ELP2: variants seen among roughly 807,000 people sequenced by gnomAD.
The protein encoded by ELP2 is elongator acetyltransferase complex subunit 2.
A neutral mutation model predicts 119.2 loss-of-function variants in ELP2; 90 were observed. The observed-to-expected ratio is 0.75, with a 90% CI of 0.64 to 0.90. ELP2 has a LOEUF of 0.90. Among genes scored for constraint, ELP2 ranks in the 40% least tolerant of loss-of-function variants. The probability of loss-of-function intolerance (pLI) is 0.00; values close to 1 mark genes in which losing one functional copy is unlikely to be tolerated. For missense variants in ELP2, 921 were observed against 967.8 expected (o/e 0.95, Z 0.64); for synonymous variants, 339 against 331.0 (o/e 1.02, Z -0.26).
chr18:36,137,292 G>T (rs1623446), intron 3 of ELP2: 146,239 of 152,262 alleles, frequency 0.96, 70,512 homozygotes, highest in East Asian at 1. Context: ...TACTCCTACC[G>T]CAGCCTCCCA....
chr18:36,140,562 G>T (rs929309495), intron 5 of ELP2, among the ~76,000 whole-genome samples: 2 of 152,010 alleles, frequency 1.3e-5, no homozygotes, highest in African/African-American at 4.8e-5. Context: ...GGCCAGGCTG[G>T]TCTCAAATTC....
chr18:36,138,408 T>C lies in ELP2; in HGVS notation c.427T>C (p.Ser143Pro). 2 of 1,614,042 alleles carry C rather than the reference T, an allele frequency of 1.2e-6. No individual in the cohort carries two copies. Among genetic ancestry groups the C allele is most frequent in the Non-Finnish European group, 1.7e-6 (2 of 1,180,004 alleles). ...AAADSAVRLWSKKGPEVMCLQ... is the reference protein window; with the variant it reads ...AAADSAVRLWPKKGPEVMCLQ... ...TGCAGATTCTGCTGTTCGACTCTGG[T>C]CTAAAAAGGGTCCAGAAGGTAGGTT... The change falls in exon 4 of 22, where the codon TCT (serine) becomes CCT (proline). Residue 143 changes from serine to proline, a missense_variant. Ser to Pro is a moderately conservative substitution (Grantham distance 74). Coordinates refer to ENST00000358232, the MANE Select transcript of ELP2 (RefSeq NM_018255.4).
intron 11 of ELP2, among the ~76,000 whole-genome samples, chr18:36,149,677 C>T (rs950884229): frequency 8.6e-5 from 13 of 151,702 alleles, no homozygotes; most frequent in Non-Finnish European, 1.5e-4. Flanking sequence ...TGGTAAGAAC[C>T]GCATAGTCAT....
intron 1 of ELP2, among the ~76,000 whole-genome samples, chr18:36,132,645 T>A (rs1051305668): frequency 1.1e-4 from 16 of 152,172 alleles, no homozygotes; most frequent in African/African-American, 3.6e-4. Context: ...GTTGAGGATC[T>A]GTGGAGAACC....
rs1469726269 is a variant in ELP2, at chr18:36,141,182, T to G, written c.569T>G (p.Phe190Cys). The G allele has an allele frequency of 6.2e-7, 1 of 1,613,472 alleles. No homozygotes were observed. The highest frequency in any genetic ancestry group is 1.3e-5 in the African/African-American group (1 of 74,932). ...CGNDDCRIHI[F>C]AQQNDQFQKV... Reference sequence around the variant, plus strand: ...AATGATGATTGCAGAATTCACATATTTGCTCAACAAAATGATCAGGTAATA... The same window carrying G: ...AATGATGATTGCAGAATTCACATATGTGCTCAACAAAATGATCAGGTAATA... Residue 190 changes from phenylalanine to cysteine, a missense_variant, in exon 6 of 22, where the codon TTT becomes TGT. Coordinates refer to ENST00000358232, the MANE Select transcript of ELP2 (RefSeq NM_018255.4).
At chr18:36,137,784 AG>A (rs905127511) in intron 3 of ELP2, among the ~76,000 whole-genome samples, 2 of 144,010 alleles carry the variant, frequency 1.4e-5, no homozygotes, top group African/African-American at 5.2e-5. Context: ...TCAATCCCAA[AG>A]TATACTCATA....
chr18:36,168,665 C>T (rs1370831321), intron 19 of ELP2, among the ~76,000 whole-genome samples: 1 of 152,102 alleles, frequency 6.6e-6, no homozygotes, highest in Non-Finnish European at 1.5e-5. Context: ...CCACAACATA[C>T]AGGGATTATG....
rs765057683 is a variant in ELP2 at position 36,138,220 on chromosome 18, T to A, written c.289-50T>A. 7.0e-6 allele frequency: 11 copies of A among 1,571,852 alleles called. No homozygotes were observed. In the African/African-American group the frequency reaches 1.5e-4, roughly 22 times the overall value. On this transcript the variant is annotated intron_variant, in intron 3 of 21. Coordinates refer to ENST00000358232, the MANE Select transcript of ELP2 (RefSeq NM_018255.4). ...GCACATTTATCCAATTAAATAAAGG[T>A]AAAAAAAATCCTTTTTTTCACAATG...
At chr18:36,155,535 A>G (rs1194669441) in intron 12 of ELP2, among the ~76,000 whole-genome samples, 2 of 152,166 alleles carry the variant, frequency 1.3e-5, no homozygotes, top group Non-Finnish European at 2.9e-5. Context: ...GGGATGCAGA[A>G]TGATACAGCC....
At chr18:36,140,617 G>A (rs906377429) in intron 5 of ELP2, among the ~76,000 whole-genome samples, 3 of 152,066 alleles carry the variant, frequency 2.0e-5, no homozygotes, top group Non-Finnish European at 4.4e-5. Flanking sequence ...AAAGGATAAC[G>A]CCCTAGGATT....
Position 36,174,952 on chromosome 18 carries a change from C to T in ELP2, c.*311C>T, listed in dbSNP as rs930199740. ...AGGTGATCTGCTTGCCTCGGCCTCC[C>T]AAAGTGCTGGGATTACAGGCGTGAG... On this transcript the variant is annotated 3_prime_UTR_variant, in exon 22 of 22. Coordinates refer to ENST00000358232, the MANE Select transcript of ELP2 (RefSeq NM_018255.4). 3 of 341,046 alleles carry T rather than the reference C, an allele frequency of 8.8e-6. No individual in the cohort carries two copies. Among genetic ancestry groups the T allele is most frequent in the Non-Finnish European group, 1.7e-5 (3 of 178,532 alleles). 21.1% of individuals were successfully genotyped at this position (341,046 alleles called of 1,614,324 possible).
Position 36,138,357 on chromosome 18 carries a change from T to C in ELP2, c.376T>C (p.Leu126=), listed in dbSNP as rs751407249. 6.2e-7 allele frequency: 1 copy of C among 1,614,126 alleles called. No individual in the cohort carries two copies. The highest frequency in any genetic ancestry group is 1.1e-5 in the South Asian group (1 of 91,082). Residue 126 remains leucine, a synonymous_variant, in exon 4 of 22, where the codon TTA becomes CTA. Coordinates refer to ENST00000358232, the MANE Select transcript of ELP2 (RefSeq NM_018255.4). ...VYQRRTSDPA[L]CTLIVSAAAD... ...CCAGAGGAGGACATCAGATCCTGCA[T>C]TATGTACACTGATCGTTTCTGCAGC... is the stretch of plus-strand genomic sequence containing the variant.
chr18:36,137,864 T>A (rs988926538), intron 3 of ELP2, among the ~76,000 whole-genome samples: 2 of 150,102 alleles, frequency 1.3e-5, no homozygotes, highest in Non-Finnish European at 3.0e-5. Context: ...AGACAATACT[T>A]CTACTAAATA....
chr18:36,137,130 A>G (rs1236786853), intron 3 of ELP2: 1 of 152,212 alleles, frequency 6.6e-6, no homozygotes, highest in African/African-American at 2.4e-5. Flanking sequence ...TTATGTGTGT[A>G]TAATTATGCA....
chr18:36,139,342 C>A lies in ELP2; in HGVS notation c.523+470C>A. On this transcript the variant is annotated intron_variant, in intron 5 of 21. Coordinates refer to ENST00000358232, the MANE Select transcript of ELP2 (RefSeq NM_018255.4). The stretch of plus-strand genomic sequence containing the variant: ...AAAAATTTCCCTTTTGCTGTGAAAC[C>A]CATCTGTATTTATCTTTGAGTATCT... The A allele has an allele frequency of 2.2e-6, 3 of 1,364,382 alleles. No homozygotes were observed. In the South Asian group the frequency reaches 4.2e-5, roughly 19 times the overall value. 84.5% of individuals were successfully genotyped at this position (1,364,382 alleles called of 1,614,324 possible).
At chr18:36,170,450 T>C (rs1230645690) in intron 20 of ELP2, among the ~76,000 whole-genome samples, 1 of 152,100 alleles carries the variant, frequency 6.6e-6, no homozygotes, top group Non-Finnish European at 1.5e-5. Context: ...TAGGTGGGAT[T>C]ACAGGCATGC....
chr18:36,170,566 G>A (rs907900613), intron 20 of ELP2, among the ~76,000 whole-genome samples: 3 of 151,858 alleles, frequency 2.0e-5, no homozygotes, highest in Admixed American at 6.6e-5. Flanking sequence ...CATCTGCCTC[G>A]TCCTCCCAAA....
chr18:36,147,717 C>T (rs1448100761), intron 11 of ELP2, among the ~76,000 whole-genome samples: 1 of 152,192 alleles, frequency 6.6e-6, no homozygotes, highest in Admixed American at 6.5e-5. Context: ...GCCACCGCAC[C>T]TGGTCTACTG....
chr18:36,167,694 AT>A (rs34728779), intron 19 of ELP2, among the ~76,000 whole-genome samples: 67 of 145,930 alleles, frequency 4.6e-4, no homozygotes, highest in African/African-American at 1.1e-3. Context: ...GTAGCTAGGA[AT>A]TTTTTTTTTT....
Sources: gnomAD v4.1 joint callset for allele counts (sites outside exome capture counted in the v4.1 genomes callset) on GRCh38, gnomAD v4.1.1 for gene constraint, MANE v1.5 for transcripts, NCBI Gene and HGNC (gene_info 2026-07-23, HGNC 2026-07-21) for gene names.